FRMD4A: variants seen among roughly 807,000 people sequenced by gnomAD.
The protein encoded by FRMD4A is FERM domain containing 4A.
In FRMD4A, 29 loss-of-function variants were observed where a neutral mutation model predicts 129.1. That is an observed-to-expected ratio of 0.22 (90% CI 0.17 to 0.31). The LOEUF (loss-of-function observed/expected upper bound fraction) is 0.31, where lower values mean the gene tolerates loss of function less well. Among genes scored for constraint, FRMD4A ranks in the 10% least tolerant of loss-of-function variants. The pLI is 1.00. For synonymous variants in FRMD4A, 634 were observed against 571.6 expected (o/e 1.11, Z -1.56); for missense variants, 1,272 against 1,375.8 (o/e 0.92, Z 1.19).
rs1031145313 is a variant in FRMD4A, at chr10:13,821,280, T to C, written c.112-10372A>G. Among the ~76,000 whole-genome samples the C allele has an allele frequency of 1.3e-5, 2 of 152,076 alleles. No homozygotes were observed. The highest frequency in any genetic ancestry group is 6.5e-5 in the Admixed American group (1 of 15,274). On this transcript the variant is annotated intron_variant, in intron 3 of 24. Coordinates refer to ENST00000357447, the MANE Select transcript of FRMD4A (RefSeq NM_018027.5). This position sits in a 1 kb window ranked among gnomAD's most constrained non-coding sequence, Gnocchi z 4.3. ...CTCTCCAGCACAGCCCTGGGTTCTG[T>C]GGCAGGGGACACAGGGAGGCTACTT...
At chr10:13,973,809 A>G (rs928623023) in intron 2 of FRMD4A, among the ~76,000 whole-genome samples, 1 of 152,108 alleles carries the variant, frequency 6.6e-6, no homozygotes, top group Non-Finnish European at 1.5e-5. Flanking sequence ...AGAGTAAATT[A>G]AATTAAAAAG....
chr10:14,207,816 T>C (rs1842829465), intron 2 of FRMD4A, among the ~76,000 whole-genome samples: 1 of 152,170 alleles, frequency 6.6e-6, no homozygotes, highest in African/African-American at 2.4e-5. Flanking sequence ...TTTCCCTCTT[T>C]ATACTGTTTA....
intron 2 of FRMD4A, among the ~76,000 whole-genome samples, chr10:13,945,137 A>G (rs151048237): frequency 7.9e-4 from 121 of 152,346 alleles, no homozygotes; most frequent in African/African-American, 2.8e-3. Context: ...CTAGTGCCAA[A>G]CTTAGAAACA....
At chr10:14,299,610 C>G (rs953277666) in intron 2 of FRMD4A, among the ~76,000 whole-genome samples, 1 of 152,162 alleles carries the variant, frequency 6.6e-6, no homozygotes, top group Non-Finnish European at 1.5e-5. Context: ...CAGCACACCT[C>G]ACCTCTCCCC....
chr10:14,087,048 G>A (rs1322944702), intron 2 of FRMD4A, among the ~76,000 whole-genome samples: 1 of 152,030 alleles, frequency 6.6e-6, no homozygotes, highest in African/African-American at 2.4e-5. Context: ...TTGGGAATTG[G>A]GGTATGAACA....
intron 2 of FRMD4A, among the ~76,000 whole-genome samples, chr10:14,030,522 TCAAACTA>T (rs1233824494): frequency 6.6e-6 from 1 of 152,248 alleles, no homozygotes; most frequent in Non-Finnish European, 1.5e-5. Context: ...TGCCTTACCT[TCAAACTA>T]CAAAGAGAGA....
At position 13,647,028 on chromosome 10, in the gene FRMD4A, T is replaced by A; in HGVS notation, c.*10A>T. ...GAGGAATCCAGGAAACAGCTATCAT[T>A]GTAGCTCCTGTGGGAGGCCCAAGAA... On this transcript the variant is annotated 3_prime_UTR_variant, in exon 25 of 25. Coordinates refer to ENST00000357447, the MANE Select transcript of FRMD4A (RefSeq NM_018027.5). 1 of 940,436 alleles carries A rather than the reference T, an allele frequency of 1.1e-6. No individual in the cohort carries two copies. Among genetic ancestry groups the A allele is most frequent in the South Asian group, 4.9e-5 (1 of 20,408 alleles). 58.3% of individuals were successfully genotyped at this position (940,436 alleles called of 1,614,324 possible). A position where few individuals can be genotyped will look rare whatever the true frequency, so the allele number is the denominator to read the frequency against.
At chr10:14,253,454 G>C (rs769461747) in intron 2 of FRMD4A, among the ~76,000 whole-genome samples, 2 of 152,140 alleles carry the variant, frequency 1.3e-5, no homozygotes, top group Non-Finnish European at 2.9e-5. Flanking sequence ...GTGGAATATG[G>C]GAAACCAACT....
chr10:13,957,015 C>T (rs1418173930), intron 2 of FRMD4A, among the ~76,000 whole-genome samples: 1 of 152,218 alleles, frequency 6.6e-6, no homozygotes, highest in Non-Finnish European at 1.5e-5. Flanking sequence ...TTGTCCAGAA[C>T]ATTCTTGCTA....
chr10:14,166,890 T>C (rs1169863895), intron 2 of FRMD4A, among the ~76,000 whole-genome samples: 2 of 152,234 alleles, frequency 1.3e-5, no homozygotes, highest in South Asian at 2.1e-4. Flanking sequence ...GGGTGCTCCT[T>C]GTTCATTTAC....
chr10:13,924,200 G>A (rs1020218259), intron 2 of FRMD4A, among the ~76,000 whole-genome samples: 11 of 152,134 alleles, frequency 7.2e-5, no homozygotes, highest in Non-Finnish European at 1.5e-4. Context: ...GTGGAACATG[G>A]CCTCCTTCAG....
At chr10:14,087,044 A>G (rs984247091) in intron 2 of FRMD4A, among the ~76,000 whole-genome samples, 2 of 152,028 alleles carry the variant, frequency 1.3e-5, no homozygotes, top group Non-Finnish European at 2.9e-5. Flanking sequence ...GGACTTGGGA[A>G]TTGGGGTATG....
At chr10:13,775,583 A>G (rs753108128) in intron 6 of FRMD4A, among the ~76,000 whole-genome samples, 1 of 152,198 alleles carries the variant, frequency 6.6e-6, no homozygotes, top group Non-Finnish European at 1.5e-5. Context: ...ACAATGGTGT[A>G]AAACAAAAAA....
In FRMD4A at chr10:14,256,366, T is replaced by A. The variant is rs139167110; in HGVS notation, c.45+73692A>T. 9.0e-3 allele frequency among the ~76,000 whole-genome samples: 1,373 copies of A among 152,276 alleles called. 20 individuals are homozygous for A. Among genetic ancestry groups the A allele is most frequent in the African/African-American group, 0.031 (1,307 of 41,566 alleles). On this transcript the variant is annotated intron_variant, in intron 2 of 24. Transcript: ENST00000357447. ...AAAGTGACAGTTCTCCCCCAAATCA[T>A]GCATTGGTAAAATGCTATTCCACTA...
chr10:13,745,398 C>T (rs1344504629), intron 9 of FRMD4A, among the ~76,000 whole-genome samples: 1 of 152,026 alleles, frequency 6.6e-6, no homozygotes, highest in Non-Finnish European at 1.5e-5. Context: ...CACGTGGCTC[C>T]CCCGTCCTGC....
At chr10:14,283,264 C>T (rs1055642366) in intron 2 of FRMD4A, among the ~76,000 whole-genome samples, 3 of 152,174 alleles carry the variant, frequency 2.0e-5, no homozygotes, top group Non-Finnish European at 4.4e-5. Context: ...AGTAAGATTT[C>T]CAGGGTTAAA....
chr10:13,987,025 T>C (rs891882231), intron 2 of FRMD4A, among the ~76,000 whole-genome samples: 2 of 152,164 alleles, frequency 1.3e-5, no homozygotes, highest in Non-Finnish European at 2.9e-5. Flanking sequence ...TCTGGCTATG[T>C]GACTACACTT....
At chr10:13,751,976 A>G (rs903739755) in intron 8 of FRMD4A, among the ~76,000 whole-genome samples, 2 of 152,152 alleles carry the variant, frequency 1.3e-5, no homozygotes, top group Non-Finnish European at 2.9e-5. Flanking sequence ...TGACCATGCC[A>G]CTGTTCTCCA....
chr10:14,048,016 A>T (rs118097814), intron 2 of FRMD4A, among the ~76,000 whole-genome samples: 2,364 of 152,368 alleles, frequency 0.016, 36 homozygotes, highest in Non-Finnish European at 0.024. Context: ...TAGTCACTCA[A>T]TAAAAAATAG....
Sources: allele counts gnomAD v4.1 joint callset (sites outside exome capture counted in the v4.1 genomes callset), GRCh38; gene constraint gnomAD v4.1.1; non-coding constraint Gnocchi (gnomAD v3.1); transcripts MANE v1.5; gene names NCBI Gene and HGNC (gene_info 2026-07-23, HGNC 2026-07-21).